Variants in PAX8 observed in about 807,000 individuals in gnomAD.
The protein encoded by PAX8 is paired box protein Pax-8.
In PAX8, 15 loss-of-function variants were observed where a neutral mutation model predicts 52.4. That is an observed-to-expected ratio of 0.29 (90% confidence interval 0.19 to 0.44). The LOEUF (loss-of-function observed/expected upper bound fraction) is 0.44. Among genes scored for constraint, PAX8 ranks in the 20% least tolerant of loss-of-function variants. PAX8 has a pLI of 1.00. For synonymous variants in PAX8, 284 were observed against 249.7 expected (o/e 1.14, Z -1.29); for missense variants, 554 against 602.5 (o/e 0.92, Z 0.84).
chr2:113,219,740 T>C (rs1399356436), intron 11 of PAX8, among the ~76,000 whole-genome samples: 2 of 152,184 alleles, frequency 1.3e-5, no homozygotes, highest in Admixed American at 1.3e-4. Flanking sequence ...ACTGTGGGAC[T>C]GTAAGCCGTG....
chr2:113,222,552 A>C (rs542336108), intron 10 of PAX8, among the ~76,000 whole-genome samples: 1 of 152,246 alleles, frequency 6.6e-6, no homozygotes, highest in East Asian at 1.9e-4. Context: ...CCCCGATGAA[A>C]GGCCAACCCT....
chr2:113,255,952 G>A (rs1656153657), intron 2 of PAX8, among the ~76,000 whole-genome samples: 2 of 150,852 alleles, frequency 1.3e-5, no homozygotes, highest in East Asian at 1.9e-4. Flanking sequence ...TCAGGACTGT[G>A]TAGGCAGTGC....
chr2:113,228,459 AT>A (rs1329907976), intron 9 of PAX8, among the ~76,000 whole-genome samples: 1 of 152,250 alleles, frequency 6.6e-6, no homozygotes, highest in Non-Finnish European at 1.5e-5. Flanking sequence ...AGGCTGCACA[AT>A]TCTTTGCTGC....
intron 2 of PAX8, among the ~76,000 whole-genome samples, chr2:113,256,564 A>G (rs866359536): frequency 3.6e-5 from 5 of 139,450 alleles, no homozygotes; most frequent in African/African-American, 1.2e-4. Flanking sequence ...CATATATTCT[A>G]TTATTCTATA....
At chr2:113,248,562 A>G (rs1240574208) in intron 2 of PAX8, among the ~76,000 whole-genome samples, 2 of 152,214 alleles carry the variant, frequency 1.3e-5, no homozygotes, top group East Asian at 1.9e-4. Flanking sequence ...CTGGGCACAC[A>G]GTGCCCATTA....
chr2:113,277,288 A>T (rs1693886707), intron 2 of PAX8, among the ~76,000 whole-genome samples: 1 of 152,128 alleles, frequency 6.6e-6, no homozygotes, highest in South Asian at 2.1e-4. Context: ...CTCCCCTCCT[A>T]GTTGGGCCAT....
chr2:113,278,250 C>T (rs1054307995), intron 2 of PAX8, 120 bp downstream of exon 2: 1 of 799,314 alleles, frequency 1.3e-6, no homozygotes, highest in Non-Finnish European at 2.0e-6. Context: ...CAGCTGGGTC[C>T]CCACGCGGGT....
chr2:113,255,887 C>T (rs534847149), intron 2 of PAX8, among the ~76,000 whole-genome samples: 1 of 152,184 alleles, frequency 6.6e-6, no homozygotes, highest in South Asian at 2.1e-4. Context: ...CAAATGCTAC[C>T]CCTTCTGAGA....
chr2:113,227,465 C>G (rs953856013), intron 9 of PAX8, among the ~76,000 whole-genome samples: 2 of 152,240 alleles, frequency 1.3e-5, no homozygotes, highest in African/African-American at 4.8e-5. Context: ...CTCCACCATG[C>G]AGGGAGCACT....
chr2:113,261,608 C>G (rs1692684030), intron 2 of PAX8, among the ~76,000 whole-genome samples: 1 of 152,264 alleles, frequency 6.6e-6, no homozygotes, highest in African/African-American at 2.4e-5. Context: ...CTGAGAGGAT[C>G]CTTGACCAGG....
intron 2 of PAX8, among the ~76,000 whole-genome samples, chr2:113,248,520 C>T (rs946214529): frequency 3.9e-5 from 6 of 152,216 alleles, no homozygotes; most frequent in Admixed American, 1.3e-4. Flanking sequence ...CAGTTAAAGA[C>T]TGTTTATGGC....
At chr2:113,238,750 T>C (rs893815094) in intron 7 of PAX8, 1 of 152,240 alleles carries the variant, frequency 6.6e-6, no homozygotes, top group African/African-American at 2.4e-5. Context: ...ATGGGAATCA[T>C]AGACTCTACT....
chr2:113,224,547 CAAA>C (rs1250640219), intron 10 of PAX8, among the ~76,000 whole-genome samples: 1 of 52,294 alleles, frequency 1.9e-5, no homozygotes, highest in Non-Finnish European at 3.9e-5. Context: ...ACTCCGTCTC[CAAA>C]AAAAAAAAAA....
At chr2:113,228,875 T>G (rs1689734143) in intron 9 of PAX8, among the ~76,000 whole-genome samples, 1 of 152,200 alleles carries the variant, frequency 6.6e-6, no homozygotes. Flanking sequence ...GAAGGCCCCA[T>G]GAAAGCCTGT....
At chr2:113,247,000 G>GGT (rs150122920) in intron 2 of PAX8, 81 bp from the exon 3 acceptor site, 724 of 1,257,478 alleles carry the variant, frequency 5.8e-4, no homozygotes, top group Middle Eastern at 7.4e-4. Context: ...TACAGGTGCT[G>GGT]GTGTGTGTGT....
intron 2 of PAX8, chr2:113,274,021 C>CGTGCGTGTGT (rs547128782): frequency 5.1e-4 from 77 of 152,194 alleles, no homozygotes; most frequent in African/African-American, 1.7e-3. Context: ...TCATTCCAGA[C>CGTGCGTGTGT]GTGCGTGTGT....
intron 2 of PAX8, among the ~76,000 whole-genome samples, chr2:113,257,251 C>T (rs887972774): frequency 6.6e-6 from 1 of 152,116 alleles, no homozygotes; most frequent in African/African-American, 2.4e-5. Flanking sequence ...AATCCCAGCT[C>T]CTTCTTTCCC....
rs77807006 is a variant in PAX8 at position 113,224,821 on chromosome 2, A to T, written c.1189+2334T>A. Among the ~76,000 whole-genome samples the T allele has an allele frequency of 4.3e-3, 611 of 143,212 alleles. 3 individuals are homozygous for T. Among genetic ancestry groups the T allele is most frequent in the Middle Eastern group, 0.024 (7 of 288 alleles). 94.0% of individuals were successfully genotyped at this position (143,212 alleles called of 152,430 possible). A position where few individuals can be genotyped will look rare whatever the true frequency, so the allele number is the denominator to read the frequency against. On this transcript the variant is annotated intron_variant, in intron 10 of 11. Coordinates refer to ENST00000429538, the MANE Select transcript of PAX8 (RefSeq NM_003466.4). The stretch of plus-strand genomic sequence containing the variant: ...TAAAATAAAATAAAATAAAATAAAA[A>T]AATAAAATAAAATAAAATATAAAAT...
rs1689036402 is a variant in PAX8, at chr2:113,216,574, T to C, written c.*1959A>G. On this transcript the variant is annotated 3_prime_UTR_variant, in exon 12 of 12. Transcript: ENST00000429538. ...CCCCTGGAGTGCAGAGCCCGAGCTG[T>C]CACATTGCATTTCCCAGATTTCCTG... 1 of 229,984 alleles carries C rather than the reference T, an allele frequency of 4.3e-6. No homozygotes were observed. The highest frequency in any genetic ancestry group is 8.6e-6 in the Non-Finnish European group (1 of 116,120). 14.2% of individuals were successfully genotyped at this position (229,984 alleles called of 1,614,324 possible). A position where few individuals can be genotyped will look rare whatever the true frequency, so the allele number is the denominator to read the frequency against.
Sources: gnomAD v4.1 joint callset for allele counts (sites outside exome capture counted in the v4.1 genomes callset) on GRCh38, gnomAD v4.1.1 for gene constraint, MANE v1.5 for transcripts, NCBI Gene and HGNC (gene_info 2026-07-23, HGNC 2026-07-21) for gene names.